Variants in FGF10 observed in about 807,000 individuals in gnomAD.
FGF10 encodes the protein fibroblast growth factor 10.
A neutral mutation model predicts 19.8 loss-of-function variants in FGF10; 2 were observed. That is an observed-to-expected ratio of 0.10 (90% CI 0.04 to 0.32). FGF10 has a LOEUF of 0.32. FGF10 is among the 10% of genes least tolerant of loss of function. The probability of loss-of-function intolerance (pLI) is 1.00; values close to 1 mark genes in which losing one functional copy is unlikely to be tolerated. For missense variants in FGF10, 191 were observed against 246.3 expected, an observed-to-expected ratio of 0.78 and a Z score of 1.50; for synonymous variants, 112 against 94.0, an observed-to-expected ratio of 1.19 and a Z score of -1.10.
At chr5:44,364,222 C>T (rs1295501388) in intron 1 of FGF10, among the ~76,000 whole-genome samples, 2 of 151,726 alleles carry the variant, frequency 1.3e-5, no homozygotes, top group South Asian at 2.1e-4. Flanking sequence ...AACCAAAGCC[C>T]TTAGACGTAT....
intron 1 of FGF10, among the ~76,000 whole-genome samples, chr5:44,349,455 T>TATATATATATATCAGA (rs1561210376): frequency 8.3e-5 from 3 of 36,006 alleles, no homozygotes; most frequent in East Asian, 1.0e-3. Flanking sequence ...TATATATATA[T>TATATATATATATCAGA]ATATATATAT....
Position 44,305,140 on chromosome 5 carries a change from T to A in FGF10, c.482A>T (p.Tyr161Phe). The A allele has an allele frequency of 3.7e-6, 6 of 1,614,006 alleles. No homozygotes were observed. The highest frequency in any genetic ancestry group is 5.1e-6 in the Non-Finnish European group (6 of 1,179,910). Reference protein sequence around the residue: ...KLKERIEENGYNTYASFNWQH... With the variant: ...KLKERIEENGFNTYASFNWQH... ...CCAGTTAAATGATGCATAGGTATTG[T>A]ATCCATTTTCCTCTATCCTCTCCTT... Residue 161 changes from tyrosine to phenylalanine, a missense_variant, in exon 3 of 3, where the codon TAC becomes TTC. Physicochemically the swap from Tyr to Phe is conservative, Grantham distance 22 (BLOSUM62 3). Coordinates refer to ENST00000264664, the MANE Select transcript of FGF10 (RefSeq NM_004465.2).
chr5:44,314,155 T>G (rs954537262), intron 1 of FGF10, among the ~76,000 whole-genome samples: 4 of 152,020 alleles, frequency 2.6e-5, no homozygotes, highest in Non-Finnish European at 5.9e-5. Context: ...AGCAAATTAT[T>G]AAGGTAAAAC....
At chr5:44,370,573 C>T (rs1392220747) in intron 1 of FGF10, among the ~76,000 whole-genome samples, 2 of 152,036 alleles carry the variant, frequency 1.3e-5, no homozygotes, top group Non-Finnish European at 2.9e-5. Context: ...ACTCAGTAGA[C>T]AAAGAGTGTT....
At chr5:44,312,846 G>A (rs1382355070) in intron 1 of FGF10, among the ~76,000 whole-genome samples, 1 of 152,090 alleles carries the variant, frequency 6.6e-6, no homozygotes, top group Admixed American at 6.6e-5. Context: ...GAAGGTGCAT[G>A]CAACGTCCTG....
chr5:44,316,490 T>C (rs770649587), intron 1 of FGF10, among the ~76,000 whole-genome samples: 3 of 152,176 alleles, frequency 2.0e-5, no homozygotes, highest in Non-Finnish European at 4.4e-5. Flanking sequence ...TTAGTAATTC[T>C]AGATTGGAGT....
Position 44,388,546 on chromosome 5 carries a change from G to A in FGF10, c.137C>T (p.Ser46Leu), listed in dbSNP as rs750371676. 6.2e-7 allele frequency: 1 copy of A among 1,614,178 alleles called. No individual in the cohort carries two copies. Among genetic ancestry groups the A allele is most frequent in the Non-Finnish European group, 8.5e-7 (1 of 1,180,046 alleles). Residue 46 changes from serine to leucine, a missense_variant, in exon 1 of 3, where the codon TCA (serine) becomes TTA (leucine). This residue lies in a region of FGF10 where 92 missense variants were observed against 84.6 expected (regional missense o/e 1.09). Transcript: ENST00000264664. ...TCQALGQDMVSPEATNSSSSS... is the reference protein window; with the variant it reads ...TCQALGQDMVLPEATNSSSSS... ...GGAAGAAGAGTTGGTGGCCTCTGGTGACACCATGTCCTGACCAAGGGCTTG... is the reference window on the plus strand; with the variant it reads ...GGAAGAAGAGTTGGTGGCCTCTGGTAACACCATGTCCTGACCAAGGGCTTG...
rs1739943440 is a variant in FGF10 at position 44,300,323 on chromosome 5, T to C, written c.*4672A>G. Among the ~76,000 whole-genome samples the C allele has an allele frequency of 6.6e-6, 1 of 152,116 alleles. No individual in the cohort carries two copies. The highest frequency in any genetic ancestry group is 1.5e-5 in the Non-Finnish European group (1 of 68,020). On this transcript the variant is annotated 3_prime_UTR_variant, in exon 3 of 3. Coordinates refer to ENST00000264664, the MANE Select transcript of FGF10 (RefSeq NM_004465.2). ...GTTTCAGATTTTTTCTATATGTCGA[T>C]ACACTTGAAAATACTAGCACATACT...
At chr5:44,340,733 T>A (rs546238968) in intron 1 of FGF10, among the ~76,000 whole-genome samples, 53 of 151,890 alleles carry the variant, frequency 3.5e-4, no homozygotes, top group Non-Finnish European at 6.9e-4. Context: ...ACAGCTAACC[T>A]TTTTTTCTAG....
At chr5:44,384,005 T>C (rs1742044626) in intron 1 of FGF10, among the ~76,000 whole-genome samples, 1 of 152,132 alleles carries the variant, frequency 6.6e-6, no homozygotes, top group South Asian at 2.1e-4. Context: ...TCTATCATTT[T>C]ATATGGTAAA....
chr5:44,335,220 G>A (rs2111771646), intron 1 of FGF10, among the ~76,000 whole-genome samples: 1 of 152,106 alleles, frequency 6.6e-6, no homozygotes, highest in South Asian at 2.1e-4. Flanking sequence ...TCATAACAAT[G>A]ATCACTCACC....
At chr5:44,386,523 A>G (rs1167229101) in intron 1 of FGF10, among the ~76,000 whole-genome samples, 4 of 152,170 alleles carry the variant, frequency 2.6e-5, no homozygotes, top group Non-Finnish European at 5.9e-5. Flanking sequence ...TGACACCACA[A>G]CTATTTTATT....
chr5:44,321,579 C>T (rs1333170611), intron 1 of FGF10, among the ~76,000 whole-genome samples: 2 of 152,246 alleles, frequency 1.3e-5, no homozygotes, highest in Admixed American at 1.3e-4. Context: ...TCAAAGAGGT[C>T]GCTTCTGAAT....
chr5:44,314,286 G>C (rs974836818), intron 1 of FGF10, among the ~76,000 whole-genome samples: 1 of 152,090 alleles, frequency 6.6e-6, no homozygotes, highest in African/African-American at 2.4e-5. Context: ...TAAACATCTT[G>C]TGCAGATTCT....
At chr5:44,370,628 T>G (rs1457477107) in intron 1 of FGF10, among the ~76,000 whole-genome samples, 1 of 152,132 alleles carries the variant, frequency 6.6e-6, no homozygotes, top group East Asian at 1.9e-4. Context: ...AATTAGCAGC[T>G]GTTTCAGTCA....
In FGF10 at chr5:44,328,108, T is replaced by C. The variant is rs17227983; in HGVS notation, c.326-17578A>G. Among the ~76,000 whole-genome samples, 1,517 of 152,328 alleles carry C rather than the reference T, an allele frequency of 1.0e-2. 28 individuals are homozygous for C. The highest frequency in any genetic ancestry group is 0.035 in the African/African-American group (1,451 of 41,570). ...TTTTGTTTTTTTCCTTTCACCTTTA[T>C]GTAACCCCTCCAAAAATCCTGGCAT... On this transcript the variant is annotated intron_variant, in intron 1 of 2. Transcript: ENST00000264664.
chr5:44,344,568 C>CTCTGTGTGTGTGTGTGTG lies in FGF10; in HGVS notation c.326-34039_326-34038insCACACACACACACACAGA, dbSNP rs1554037820. Among the ~76,000 whole-genome samples the CTCTGTGTGTGTGTGTGTG allele has an allele frequency of 1.8e-3, 232 of 126,844 alleles. 3 individuals carry two copies. Among genetic ancestry groups the CTCTGTGTGTGTGTGTGTG allele is most frequent in the Non-Finnish European group, 2.4e-3 (146 of 61,368 alleles). The allele number at this position is 126,844 out of a possible 152,430, so 83.2% of individuals were successfully genotyped here. A position where few individuals can be genotyped will look rare whatever the true frequency, so the allele number is the denominator to read the frequency against. On this transcript the variant is annotated intron_variant, in intron 1 of 2. Transcript: ENST00000264664. ...TTAGGGTTTTACTGTTTTGTTTTCT[C>CTCTGTGTGTGTGTGTGTG]TGTGTGTGTGTGTGTGTGTGTGTGT...
At chr5:44,322,765 A>G in intron 1 of FGF10, among the ~76,000 whole-genome samples, 1 of 151,934 alleles carries the variant, frequency 6.6e-6, no homozygotes, top group Non-Finnish European at 1.5e-5. Context: ...ATTATGGAGT[A>G]GATGGGACTA....
chr5:44,387,316 C>CAAGA (rs1360252147), intron 1 of FGF10, among the ~76,000 whole-genome samples: 1 of 151,720 alleles, frequency 6.6e-6, no homozygotes, highest in Non-Finnish European at 1.5e-5. Flanking sequence ...CACACCCCTG[C>CAAGA]AAGAAAGAAA....
Sources: allele counts gnomAD v4.1 joint callset (sites outside exome capture counted in the v4.1 genomes callset), GRCh38; gene constraint gnomAD v4.1.1; regional missense constraint gnomAD v4.1.1; transcripts MANE v1.5; gene names NCBI Gene and HGNC (gene_info 2026-07-23, HGNC 2026-07-21).